The following ADGRL2 variants were observed in gnomAD, a reference collection of about 807,000 sequenced individuals.
ADGRL2 encodes the protein calcium-independent alpha-latrotoxin receptor 2.
A neutral mutation model predicts 157.4 loss-of-function variants in ADGRL2; 44 were observed. The ratio of observed to expected loss-of-function variants is 0.28; its 90% CI spans 0.22 to 0.36. The LOEUF (loss-of-function observed/expected upper bound fraction) is 0.36, where lower values mean the gene tolerates loss of function less well. ADGRL2 is among the 10% of genes least tolerant of loss of function. The pLI, the probability that ADGRL2 is intolerant of heterozygous loss-of-function variation, is 1.00. For synonymous variants in ADGRL2, 585 were observed against 624.7 expected (o/e 0.94, Z 0.95); for missense variants, 1,510 against 1,768.9 (o/e 0.85, Z 2.63).
intron 2 of ADGRL2, among the ~76,000 whole-genome samples, chr1:81,497,972 C>T (rs889612020): frequency 2.6e-5 from 4 of 152,018 alleles, no homozygotes; most frequent in African/African-American, 4.8e-5. Context: ...TTTGGGAGGC[C>T]GAGGCGGGCA....
chr1:81,517,661 C>T (rs1374627995), intron 2 of ADGRL2, among the ~76,000 whole-genome samples: 2 of 152,094 alleles, frequency 1.3e-5, no homozygotes, highest in Non-Finnish European at 2.9e-5. Context: ...ACATCCAGAG[C>T]AGACTGTGAA....
chr1:81,366,875 T>C (rs958603702), intron 1 of ADGRL2, among the ~76,000 whole-genome samples: 1 of 152,230 alleles, frequency 6.6e-6, no homozygotes, highest in East Asian at 1.9e-4. Flanking sequence ...CCTCTTCTCC[T>C]GTCTCTTTAA....
In ADGRL2 at chr1:81,780,645, A is replaced by G. The variant is rs146928834; in HGVS notation, c.-101+18793A>G. 1.6e-3 allele frequency among the ~76,000 whole-genome samples: 249 copies of G among 152,300 alleles called. 1 individual carries two copies. Among genetic ancestry groups the G allele is most frequent in the African/African-American group, 5.4e-3 (223 of 41,560 alleles). On this transcript the variant is annotated intron_variant, in intron 2 of 20. Transcript: ENST00000359929. Reference sequence around the variant, plus strand: ...TTTACTTCTATGAAATGGAATAATAATATCTGCCCTTTCTACCTTATAGGG... The same window carrying G: ...TTTACTTCTATGAAATGGAATAATAGTATCTGCCCTTTCTACCTTATAGGG...
At chr1:81,915,345 C>G (rs1216073029) in intron 3 of ADGRL2, among the ~76,000 whole-genome samples, 1 of 152,094 alleles carries the variant, frequency 6.6e-6, no homozygotes, top group Non-Finnish European at 1.5e-5. Context: ...CTCCCAAATG[C>G]TAGGATTACA....
intron 2 of ADGRL2, among the ~76,000 whole-genome samples, chr1:81,882,828 T>C (rs2094022644): frequency 2.0e-5 from 3 of 152,220 alleles, no homozygotes; most frequent in Non-Finnish European, 2.9e-5. Context: ...CAGAATCTTA[T>C]TTTGTCACGT....
At chr1:81,479,708 C>A (rs970948794) in intron 2 of ADGRL2, among the ~76,000 whole-genome samples, 3 of 152,142 alleles carry the variant, frequency 2.0e-5, no homozygotes, top group African/African-American at 7.2e-5. Flanking sequence ...TTCTCTTTCT[C>A]TCTTTCTGGA....
chr1:81,605,188 C>G (rs1169823748), intron 3 of ADGRL2, among the ~76,000 whole-genome samples: 3 of 152,196 alleles, frequency 2.0e-5, no homozygotes, highest in Non-Finnish European at 4.4e-5. Context: ...GCCCTTCCCC[C>G]AGTCTGCAAA....
chr1:81,693,831 C>T (rs575594274), intron 3 of ADGRL2, among the ~76,000 whole-genome samples: 7 of 152,220 alleles, frequency 4.6e-5, no homozygotes, highest in Admixed American at 1.3e-4. Flanking sequence ...AGAAAAATGA[C>T]ACAGAAAAGA....
At chr1:81,945,076 A>G (rs1183007675) in intron 6 of ADGRL2, among the ~76,000 whole-genome samples, 2 of 152,060 alleles carry the variant, frequency 1.3e-5, no homozygotes, top group Non-Finnish European at 2.9e-5. Context: ...AGTAATGTTC[A>G]TTGTTAAATT....
At chr1:81,368,578 T>C (rs1028374952) in intron 1 of ADGRL2, among the ~76,000 whole-genome samples, 2 of 152,206 alleles carry the variant, frequency 1.3e-5, no homozygotes, top group Non-Finnish European at 2.9e-5. Flanking sequence ...TTGTTGAGAA[T>C]CTTTATTCTG....
chr1:81,746,241 A>C (rs1305196173), intron 1 of ADGRL2, among the ~76,000 whole-genome samples: 1 of 152,194 alleles, frequency 6.6e-6, no homozygotes, highest in African/African-American at 2.4e-5. Flanking sequence ...ACTTCAAGTT[A>C]TAAGATGCCA....
intron 3 of ADGRL2, among the ~76,000 whole-genome samples, chr1:81,650,688 C>T (rs1247117545): frequency 6.6e-6 from 1 of 151,920 alleles, no homozygotes; most frequent in African/African-American, 2.4e-5. Flanking sequence ...TGTATTCAGA[C>T]ATCACGCTAA....
chr1:81,577,200 G>A (rs534367412), intron 2 of ADGRL2, among the ~76,000 whole-genome samples: 10 of 152,234 alleles, frequency 6.6e-5, no homozygotes, highest in African/African-American at 2.4e-4. Flanking sequence ...CTGCTGAGTT[G>A]GAAACGTCAT....
At chr1:81,738,924 T>G (rs992998520) in intron 1 of ADGRL2, among the ~76,000 whole-genome samples, 1 of 152,252 alleles carries the variant, frequency 6.6e-6, no homozygotes, top group Non-Finnish European at 1.5e-5. Flanking sequence ...GGACTTGAGC[T>G]ACTTCTGCTG....
At chr1:81,360,542 T>C (rs1188766633) in intron 1 of ADGRL2, among the ~76,000 whole-genome samples, 2 of 151,992 alleles carry the variant, frequency 1.3e-5, no homozygotes, top group Non-Finnish European at 2.9e-5. Context: ...TCTCTACAAT[T>C]TTATGCAGGT....
intron 2 of ADGRL2, among the ~76,000 whole-genome samples, chr1:81,843,192 G>A (rs2092663593): frequency 6.6e-6 from 1 of 152,094 alleles, no homozygotes; most frequent in South Asian, 2.1e-4. Context: ...GAGTGCAGTG[G>A]TGTGGTCTCA....
intron 2 of ADGRL2, among the ~76,000 whole-genome samples, chr1:81,566,685 C>T (rs2080570585): frequency 6.6e-6 from 1 of 152,014 alleles, no homozygotes; most frequent in Non-Finnish European, 1.5e-5. Flanking sequence ...ATGAATATGC[C>T]TTACAGGAAA....
chr1:81,866,999 T>C (rs1051707368), intron 2 of ADGRL2, among the ~76,000 whole-genome samples: 2 of 152,132 alleles, frequency 1.3e-5, no homozygotes, highest in African/African-American at 4.8e-5. Flanking sequence ...AAGTAAGTGC[T>C]TCATTACTGG....
intron 1 of ADGRL2, among the ~76,000 whole-genome samples, chr1:81,373,711 CA>C (rs940690310): frequency 4.0e-4 from 61 of 152,248 alleles, no homozygotes; most frequent in African/African-American, 1.2e-3. Flanking sequence ...GCCTGAAAAA[CA>C]TCTCTAGTGG....
Sources: gnomAD v4.1 joint callset for allele counts (sites outside exome capture counted in the v4.1 genomes callset) on GRCh38, gnomAD v4.1.1 for gene constraint, MANE v1.5 for transcripts, NCBI Gene and HGNC (gene_info 2026-07-23, HGNC 2026-07-21) for gene names.